The following SLURP2 variants were observed in gnomAD, a reference collection of about 807,000 sequenced individuals.
The protein encoded by SLURP2 is secreted Ly-6/uPAR domain-containing protein 2.
In SLURP2, 4 loss-of-function variants were observed where a neutral mutation model predicts 9.8. That is an observed-to-expected ratio of 0.41 (90% CI 0.20 to 0.94). The LOEUF (loss-of-function observed/expected upper bound fraction) is 0.94. Among genes scored for constraint, SLURP2 ranks in the 40% least tolerant of loss-of-function variants. The pLI is 0.32. For missense variants in SLURP2, 118 were observed against 126.4 expected (o/e 0.93, Z 0.32); for synonymous variants, 58 against 56.2 (o/e 1.03, Z -0.15).
At position 142,764,378 on chromosome 8, in the gene SLURP2, C is replaced by T. The variant is rs1017568076; in HGVS notation, c.*227G>A. 2.3e-5 allele frequency: 15 copies of T among 655,550 alleles called. No individual in the cohort carries two copies. The highest frequency in any genetic ancestry group is 3.5e-5 in the Non-Finnish European group (13 of 368,710). 40.6% of individuals were successfully genotyped at this position (655,550 alleles called of 1,614,324 possible). ...CAATCACATTTTATTGTGGGGAGGT[C>T]GGGACCTGAAGGGGCGGCAGGCACG... On this transcript the variant is annotated 3_prime_UTR_variant, in exon 3 of 3. Coordinates refer to ENST00000317543, the MANE Select transcript of SLURP2 (RefSeq NM_177458.3).
intron 1 of SLURP2, 33 bp from the exon 2 acceptor site, chr8:142,765,173 G>A (rs988532327): frequency 4.8e-5 from 75 of 1,568,824 alleles, no homozygotes; most frequent in Non-Finnish European, 6.3e-5. Context: ...GACACAAACG[G>A]ATGGGAGGCA....
intron 2 of SLURP2, 137 bp from the exon 3 acceptor site, chr8:142,764,878 G>T: frequency 8.2e-7 from 1 of 1,215,880 alleles, no homozygotes; most frequent in East Asian, 2.4e-5. Flanking sequence ...GGCAGACGTG[G>T]CCCTTTGCTC....
Position 142,768,592 on chromosome 8 carries a change from CCAGG to C in SLURP2, c.52+1159_52+1162del, listed in dbSNP as rs1251881032. Among the ~76,000 whole-genome samples, 1 of 152,068 alleles carries C rather than the reference CCAGG, an allele frequency of 6.6e-6. No homozygotes were observed. The highest frequency in any genetic ancestry group is 1.5e-5 in the Non-Finnish European group (1 of 67,974). ...AGGGGAGTCCGTGGGCACCGGGCAC[CCAGG>C]CAGAGGCTCCTGTGATGTGCCATCC... On this transcript the variant is annotated intron_variant, in intron 1 of 2. Transcript: ENST00000317543. The surrounding 1 kb of genome is among the most constrained non-coding windows in gnomAD (Gnocchi z 4.8).
chr8:142,764,708 A>G lies in SLURP2; in HGVS notation c.191T>C (p.Val64Ala). The G allele has an allele frequency of 1.2e-6, 2 of 1,613,334 alleles. No individual in the cohort carries two copies. Among genetic ancestry groups the G allele is most frequent in the Non-Finnish European group, 1.7e-6 (2 of 1,179,718 alleles). Residue 64 changes from valine (V) to alanine (A), a missense_variant, in exon 3 of 3, where the codon GTC becomes GCC. By Grantham distance (64) the Val-to-Ala change is moderately conservative (BLOSUM62 0). Coordinates refer to ENST00000317543, the MANE Select transcript of SLURP2 (RefSeq NM_177458.3). ...VLSNTEDLPLVTKMCHIGCPD... is the reference protein window; with the variant it reads ...VLSNTEDLPLATKMCHIGCPD... ...GCAGCCTATGTGGCACATCTTGGTG[A>G]CCAGAGGCAAATCCTCGGTGTTGCT...
chr8:142,765,951 A>G (rs1814991028), intron 1 of SLURP2, among the ~76,000 whole-genome samples: 1 of 149,664 alleles, frequency 6.7e-6, no homozygotes, highest in Non-Finnish European at 1.5e-5. Flanking sequence ...CGACAGAGCA[A>G]GACTCCACCT....
In SLURP2 at chr8:142,768,585, C is replaced by G. The variant is rs1815076978; in HGVS notation, c.52+1170G>C. Among the ~76,000 whole-genome samples, 1 of 152,022 alleles carries G rather than the reference C, an allele frequency of 6.6e-6. No homozygotes were observed. The highest frequency in any genetic ancestry group is 2.1e-4 in the South Asian group (1 of 4,826). On this transcript the variant is annotated intron_variant, in intron 1 of 2. Coordinates refer to ENST00000317543, the MANE Select transcript of SLURP2 (RefSeq NM_177458.3). This position sits in a 1 kb window ranked among gnomAD's most constrained non-coding sequence, Gnocchi z 4.8. Reference sequence around the variant, plus strand: ...GGGTCAGAGGGGAGTCCGTGGGCACCGGGCACCCAGGCAGAGGCTCCTGTG... The same window carrying G: ...GGGTCAGAGGGGAGTCCGTGGGCACGGGGCACCCAGGCAGAGGCTCCTGTG...
At chr8:142,765,448 G>A (rs1018567158) in intron 1 of SLURP2, among the ~76,000 whole-genome samples, 3 of 148,006 alleles carry the variant, frequency 2.0e-5, no homozygotes, top group Non-Finnish European at 4.5e-5. Context: ...CAGCAGCCTG[G>A]GCTATTTGGG....
intron 1 of SLURP2, among the ~76,000 whole-genome samples, chr8:142,765,942 G>A (rs1300421041): frequency 6.8e-6 from 1 of 148,148 alleles, no homozygotes; most frequent in Non-Finnish European, 1.5e-5. Flanking sequence ...GAGCCTGGGC[G>A]ACAGAGCAAG....
chr8:142,766,889 G>A (rs1815024692), intron 1 of SLURP2, among the ~76,000 whole-genome samples: 1 of 152,144 alleles, frequency 6.6e-6, no homozygotes, highest in Non-Finnish European at 1.5e-5. Flanking sequence ...CCAGGCGCAG[G>A]CCCTGGCTTC....
intron 1 of SLURP2, chr8:142,766,091 G>C (rs1043788229): frequency 6.6e-6 from 1 of 152,154 alleles, no homozygotes; most frequent in Non-Finnish European, 1.5e-5. Context: ...ATAATTCCCT[G>C]CCTGTTCCTC....
rs878869828 is a variant in SLURP2, at chr8:142,768,679, C to T, written c.52+1076G>A. The stretch of plus-strand genomic sequence containing the variant: ...GTCCTGATGGTTACAAAGGCCTTCT[C>T]CAGGTTAAGTCGAGTCCCCAGGCCC... On this transcript the variant is annotated intron_variant, in intron 1 of 2. Coordinates refer to ENST00000317543, the MANE Select transcript of SLURP2 (RefSeq NM_177458.3). The surrounding 1 kb of genome is among the most constrained non-coding windows in gnomAD (Gnocchi z 4.8). Among the ~76,000 whole-genome samples the T allele has an allele frequency of 5.3e-5, 8 of 152,144 alleles. No individual in the cohort carries two copies. The highest frequency in any genetic ancestry group is 4.6e-4 in the Admixed American group (7 of 15,284).
rs535752068 is a variant in SLURP2 at position 142,765,132 on chromosome 8, C to T, written c.61G>A (p.Glu21Lys). The change falls in exon 2 of 3, where the codon GAA becomes AAA. Residue 21 changes from glutamate to lysine, a missense_variant. Physicochemically the swap from Glu to Lys is moderately conservative, Grantham distance 56 (BLOSUM62 1). Coordinates refer to ENST00000317543, the MANE Select transcript of SLURP2 (RefSeq NM_177458.3). ...GTGCACTGGTGACACCATATGGCTT[C>T]GGCTGCAGCTGCGGACATGGGGACA... ...AVLSLQLAAA[E>K]AIWCHQCTGF... The T allele has an allele frequency of 1.3e-4, 211 of 1,608,662 alleles. No individual in the cohort carries two copies. The highest frequency in any genetic ancestry group is 6.1e-4 in the African/African-American group (46 of 74,976).
rs1815080534 is a variant in SLURP2 at position 142,768,745 on chromosome 8, C to T, written c.52+1010G>A. 6.6e-6 allele frequency among the ~76,000 whole-genome samples: 1 copy of T among 152,168 alleles called. No individual in the cohort carries two copies. The highest frequency in any genetic ancestry group is 1.5e-5 in the Non-Finnish European group (1 of 68,012). ...CTTCAGCACAGAGCTGGTCTGCCCT[C>T]ATGACCCTGGGGCAGTCCTCAGGGT... is the stretch of plus-strand genomic sequence containing the variant. On this transcript the variant is annotated intron_variant, in intron 1 of 2. Transcript: ENST00000317543. The surrounding 1 kb of genome is among the most constrained non-coding windows in gnomAD (Gnocchi z 4.8).
intron 1 of SLURP2, among the ~76,000 whole-genome samples, chr8:142,766,834 C>A (rs1046130028): frequency 1.3e-5 from 2 of 152,216 alleles, no homozygotes; most frequent in East Asian, 3.9e-4. Flanking sequence ...GTGACAAGGC[C>A]AATGGTGTGG....
In SLURP2 at chr8:142,764,647, T is replaced by A. The variant is rs1440281199; in HGVS notation, c.252A>T (p.Val84=). 1 of 1,609,648 alleles carries A rather than the reference T, an allele frequency of 6.2e-7. No homozygotes were observed. Among genetic ancestry groups the A allele is most frequent in the Non-Finnish European group, 8.5e-7 (1 of 1,178,648 alleles). Residue 84 remains valine (V), a synonymous_variant, in exon 3 of 3, where the codon GTA becomes GTT. Coordinates refer to ENST00000317543, the MANE Select transcript of SLURP2 (RefSeq NM_177458.3). ...GGCTGGTCTGGCAGCAAGCGATGGA[T>A]ACGTAGGGGCCCAGGCCCAGGCTGG... is the stretch of plus-strand genomic sequence containing the variant. ...DIPSLGLGPY[V]SIACCQTSLC...
intron 1 of SLURP2, among the ~76,000 whole-genome samples, chr8:142,769,445 A>G (rs1815104072): frequency 6.9e-6 from 1 of 145,290 alleles, no homozygotes. Context: ...CACGTGCACG[A>G]AGGTGCGTGT....
chr8:142,769,753 A>G lies in SLURP2; in HGVS notation c.52+2T>C. On this transcript the variant is annotated splice_donor_variant, in intron 1 of 2. Coordinates refer to ENST00000317543, the MANE Select transcript of SLURP2 (RefSeq NM_177458.3). LOFTEE classifies it high-confidence loss of function. ...GGAGGTGGCCCCAGCCCCTGGACTC[A>G]CCCAGCTGCAGGCTCAGGACGGCGG... 1 of 1,601,854 alleles carries G rather than the reference A, an allele frequency of 6.2e-7. No homozygotes were observed. The highest frequency in any genetic ancestry group is 8.5e-7 in the Non-Finnish European group (1 of 1,175,854).
In SLURP2 at chr8:142,769,824, G is replaced by C. The variant is rs370771557; in HGVS notation, c.-18C>G. 3 of 1,581,996 alleles carry C rather than the reference G, an allele frequency of 1.9e-6. No homozygotes were observed. The highest frequency in any genetic ancestry group is 2.6e-6 in the Non-Finnish European group (3 of 1,166,652). ...AGCTGCATGTTCTCCTGGTGAGGTC[G>C]GGCTGTCGGCGCCCTGGCCGGCTGC... On this transcript the variant is annotated 5_prime_UTR_variant, in exon 1 of 3. Transcript: ENST00000317543.
chr8:142,766,139 C>T (rs1814999533), intron 1 of SLURP2: 1 of 152,166 alleles, frequency 6.6e-6, no homozygotes, highest in South Asian at 2.1e-4. Flanking sequence ...CTTTCCCAGG[C>T]GCTGTGGAGA....
Sources: allele counts gnomAD v4.1 joint callset (sites outside exome capture counted in the v4.1 genomes callset), GRCh38; gene constraint gnomAD v4.1.1; non-coding constraint Gnocchi (gnomAD v3.1); transcripts MANE v1.5; gene names NCBI Gene and HGNC (gene_info 2026-07-23, HGNC 2026-07-21).